The following SEPTIN14 variants were observed in gnomAD, a reference collection of about 807,000 sequenced individuals.
The protein encoded by SEPTIN14 is septin 14.
In SEPTIN14, 40 loss-of-function variants were observed where a neutral mutation model predicts 53.6. The observed-to-expected ratio is 0.75, with a 90% CI of 0.58 to 0.97. The LOEUF is 0.97. SEPTIN14 is among the 50% of genes least tolerant of loss of function. SEPTIN14 has a pLI of 0.00. For synonymous variants in SEPTIN14, 138 were observed against 166.8 expected (o/e 0.83, Z 1.33); for missense variants, 471 against 508.2 (o/e 0.93, Z 0.70).
chr7:55,817,115 T>C (rs1213549964), intron 7 of SEPTIN14, among the ~76,000 whole-genome samples: 1 of 152,092 alleles, frequency 6.6e-6, no homozygotes, highest in Non-Finnish European at 1.5e-5. Context: ...AATCTAAGTG[T>C]CCATGAATAG....
chr7:55,824,857 G>A (rs929923912), intron 6 of SEPTIN14, among the ~76,000 whole-genome samples: 1 of 151,812 alleles, frequency 6.6e-6, no homozygotes, highest in Non-Finnish European at 1.5e-5. Flanking sequence ...ACCAAATCCT[G>A]GCAAAGATAC....
At position 55,819,218 on chromosome 7, in the gene SEPTIN14, C is replaced by T. The variant is rs2115994085; in HGVS notation, c.726G>A (p.Leu242=). 6.4e-7 allele frequency: 1 copy of T among 1,559,606 alleles called. No homozygotes were observed. Among genetic ancestry groups the T allele is most frequent in the Non-Finnish European group, 8.7e-7 (1 of 1,149,250 alleles). Residue 242 remains leucine, a synonymous_variant, in exon 7 of 10, where the codon CTG becomes CTA. Coordinates refer to ENST00000388975, the MANE Select transcript of SEPTIN14 (RefSeq NM_207366.3). ...TACTCCCTACCACAGCAAAGGGTAA[C>T]AGCCCCTAGAAAACAAGAATGACAT... ...AAQANSSVSG[L]LPFAVVGSTD... is the part of the protein sequence containing the mutation.
At chr7:55,796,571 C>G (rs531004367) in intron 9 of SEPTIN14, among the ~76,000 whole-genome samples, 2 of 151,994 alleles carry the variant, frequency 1.3e-5, no homozygotes, top group Admixed American at 6.6e-5. Flanking sequence ...GTTGCCCAGG[C>G]TGGTCTCAAA....
chr7:55,841,769 C>A (rs556900334), intron 5 of SEPTIN14, among the ~76,000 whole-genome samples: 59 of 151,144 alleles, frequency 3.9e-4, no homozygotes, highest in Middle Eastern at 6.8e-3. Context: ...GCAGGAGAAT[C>A]GCTTGAACCC....
intron 5 of SEPTIN14, among the ~76,000 whole-genome samples, chr7:55,835,683 G>A (rs1055862440): frequency 6.6e-6 from 1 of 152,090 alleles, no homozygotes; most frequent in African/African-American, 2.4e-5. Flanking sequence ...TGTGTTTGCA[G>A]ATAGATTTGC....
At chr7:55,842,855 G>A (rs1230478096) in intron 5 of SEPTIN14, 87 bp downstream of exon 5, 1 of 757,926 alleles carries the variant, frequency 1.3e-6, no homozygotes, top group Non-Finnish European at 1.9e-6. Flanking sequence ...GGAGCTTGCG[G>A]TGAGATCGCA....
intron 2 of SEPTIN14, among the ~76,000 whole-genome samples, chr7:55,858,651 A>G (rs554171997): frequency 4.6e-5 from 7 of 152,168 alleles, no homozygotes; most frequent in African/African-American, 1.7e-4. Flanking sequence ...CTAAAAATAC[A>G]AAATTAGTCG....
intron 9 of SEPTIN14, chr7:55,799,018 CA>C (rs1345919381): frequency 6.6e-6 from 1 of 152,292 alleles, no homozygotes; most frequent in East Asian, 1.9e-4. Context: ...AACTACAAAA[CA>C]GTCAGAAAAC....
At chr7:55,818,226 C>A (rs1414930120) in intron 7 of SEPTIN14, among the ~76,000 whole-genome samples, 3 of 152,058 alleles carry the variant, frequency 2.0e-5, no homozygotes, top group Non-Finnish European at 2.9e-5. Flanking sequence ...AATCCCAGCA[C>A]TTTGGGAGGC....
chr7:55,811,367 G>A (rs1030905693), intron 7 of SEPTIN14: 1 of 500,318 alleles, frequency 2.0e-6, no homozygotes, highest in African/African-American at 2.0e-5. Context: ...ACCTCCCTAA[G>A]GAGTTGGTCT....
intron 6 of SEPTIN14, among the ~76,000 whole-genome samples, chr7:55,825,623 T>C (rs960268476): frequency 1.3e-5 from 2 of 152,188 alleles, no homozygotes; most frequent in African/African-American, 4.8e-5. Context: ...CACTCAATTT[T>C]TCTACAACCA....
At chr7:55,826,103 A>C (rs1788983162) in intron 6 of SEPTIN14, among the ~76,000 whole-genome samples, 1 of 151,650 alleles carries the variant, frequency 6.6e-6, no homozygotes, top group South Asian at 2.1e-4. Context: ...TCCGTCTCAA[A>C]AAAAAAAAAA....
chr7:55,837,719 A>G (rs1789235990), intron 5 of SEPTIN14, among the ~76,000 whole-genome samples: 1 of 152,078 alleles, frequency 6.6e-6, no homozygotes, highest in Non-Finnish European at 1.5e-5. Context: ...AGTAGCTGGG[A>G]TTACAGGCAT....
Position 55,845,171 on chromosome 7 carries a change from A to G in SEPTIN14, c.176-453T>C, listed in dbSNP as rs76048199. Among the ~76,000 whole-genome samples, 369 of 152,282 alleles carry G rather than the reference A, an allele frequency of 2.4e-3. 1 individual carries two copies. Among genetic ancestry groups the G allele is most frequent in the African/African-American group, 8.7e-3 (360 of 41,562 alleles). Reference sequence around the variant, plus strand: ...CCACTTACAAGTGAGAACATGGCACATGTTCTCAGCCATAAAAAAGAAGGA... The same window carrying G: ...CCACTTACAAGTGAGAACATGGCACGTGTTCTCAGCCATAAAAAAGAAGGA... On this transcript the variant is annotated intron_variant, in intron 3 of 9. Coordinates refer to ENST00000388975, the MANE Select transcript of SEPTIN14 (RefSeq NM_207366.3).
At chr7:55,800,062 A>G (rs1410971156) in intron 9 of SEPTIN14, among the ~76,000 whole-genome samples, 1 of 152,230 alleles carries the variant, frequency 6.6e-6, no homozygotes, top group Non-Finnish European at 1.5e-5. Context: ...ATAATATTAG[A>G]AATCAATAAC....
chr7:55,809,893 C>G (rs545354620), intron 7 of SEPTIN14, among the ~76,000 whole-genome samples: 1 of 142,774 alleles, frequency 7.0e-6, no homozygotes, highest in Non-Finnish European at 1.5e-5. Flanking sequence ...AGTGCAGTGG[C>G]GCAATCTCGG....
At chr7:55,820,805 TG>T (rs1788880501) in intron 6 of SEPTIN14, among the ~76,000 whole-genome samples, 1 of 151,984 alleles carries the variant, frequency 6.6e-6, no homozygotes, top group Non-Finnish European at 1.5e-5. Context: ...CGGGGCATGG[TG>T]GCAGGCACAT....
At chr7:55,810,958 G>T in intron 7 of SEPTIN14, 1 of 415,510 alleles carries the variant, frequency 2.4e-6, no homozygotes, top group Admixed American at 2.9e-5. Context: ...CCTTTTCCTT[G>T]TACAGACTGA....
intron 6 of SEPTIN14, among the ~76,000 whole-genome samples, chr7:55,820,684 A>G (rs1363398358): frequency 3.3e-5 from 5 of 152,194 alleles, no homozygotes; most frequent in Non-Finnish European, 7.3e-5. Context: ...TCATGCCTAT[A>G]ATCCTAGCAC....
Sources: allele counts gnomAD v4.1 joint callset (sites outside exome capture counted in the v4.1 genomes callset), GRCh38; gene constraint gnomAD v4.1.1; transcripts MANE v1.5; gene names NCBI Gene and HGNC (gene_info 2026-07-23, HGNC 2026-07-21).